The following NCAM2 variants were observed in gnomAD, a reference collection of about 807,000 sequenced individuals.
NCAM2 encodes the protein neural cell adhesion molecule 2.
In NCAM2, 30 loss-of-function variants were observed where a neutral mutation model predicts 98.1. The observed-to-expected ratio is 0.31, with a 90% CI of 0.23 to 0.41. NCAM2 has a LOEUF of 0.41. Ranked by LOEUF, NCAM2 falls within the 10% of genes least tolerant of loss-of-function variation. The pLI is 1.00. For missense variants in NCAM2, 867 were observed against 1,005.8 expected (o/e 0.86, Z 1.87); for synonymous variants, 368 against 342.4 (o/e 1.07, Z -0.83).
chr21:21,165,959 A>G (rs1208892123), intron 1 of NCAM2, among the ~76,000 whole-genome samples: 1 of 152,142 alleles, frequency 6.6e-6, no homozygotes, highest in Non-Finnish European at 1.5e-5. Context: ...AGAGCTCCCC[A>G]TAACCTTTCC....
intron 12 of NCAM2, among the ~76,000 whole-genome samples, chr21:21,460,413 A>T (rs907322348): frequency 3.9e-5 from 6 of 152,054 alleles, no homozygotes; most frequent in African/African-American, 1.2e-4. Flanking sequence ...AAACTCTGTT[A>T]GTTCTGGTAT....
At chr21:21,172,683 T>G (rs2068162622) in intron 1 of NCAM2, among the ~76,000 whole-genome samples, 1 of 152,122 alleles carries the variant, frequency 6.6e-6, no homozygotes, top group African/African-American at 2.4e-5. Flanking sequence ...CACTATCAAT[T>G]TTATCTAGAG....
chr21:21,037,097 C>T (rs1040767945), intron 1 of NCAM2, among the ~76,000 whole-genome samples: 5 of 152,144 alleles, frequency 3.3e-5, no homozygotes, highest in African/African-American at 1.2e-4. Flanking sequence ...ATGGCACACC[C>T]ACAGCTCACT....
chr21:21,305,924 A>G lies in NCAM2; in HGVS notation c.619+13683A>G, dbSNP rs537072351. ...ATGTCTACTTCAACTTTATTTCACA[A>G]GTTTTGATATATTGCATATACATTG... On this transcript the variant is annotated intron_variant, in intron 5 of 17. Coordinates refer to ENST00000400546, the MANE Select transcript of NCAM2 (RefSeq NM_004540.5). Among the ~76,000 whole-genome samples the G allele has an allele frequency of 1.2e-4, 18 of 152,184 alleles. No homozygotes were observed. In the South Asian group the frequency reaches 3.7e-3, roughly 32 times the overall value.
chr21:21,052,936 T>G (rs1173395919), intron 1 of NCAM2, among the ~76,000 whole-genome samples: 1 of 152,166 alleles, frequency 6.6e-6, no homozygotes, highest in Non-Finnish European at 1.5e-5. Flanking sequence ...TCTAAGGGTT[T>G]GTTTGTTTTT....
At chr21:21,018,545 A>C (rs1365077349) in intron 1 of NCAM2, among the ~76,000 whole-genome samples, 3 of 152,230 alleles carry the variant, frequency 2.0e-5, no homozygotes, top group African/African-American at 7.2e-5. Flanking sequence ...TAAGTATTGG[A>C]TCATAAAATT....
chr21:21,399,557 A>T (rs533096203), intron 9 of NCAM2, among the ~76,000 whole-genome samples: 155 of 152,300 alleles, frequency 1.0e-3, no homozygotes, highest in African/African-American at 3.6e-3. Context: ...TATTCTCATC[A>T]ATATGATTTT....
chr21:21,075,719 T>G (rs1283469788), intron 1 of NCAM2, among the ~76,000 whole-genome samples: 1 of 152,200 alleles, frequency 6.6e-6, no homozygotes. Context: ...GGGTATTGAA[T>G]TTTATCAAGT....
intron 1 of NCAM2, among the ~76,000 whole-genome samples, chr21:21,123,252 G>A (rs1387390992): frequency 6.6e-6 from 1 of 151,880 alleles, no homozygotes; most frequent in East Asian, 1.9e-4. Context: ...AAAATCAGCC[G>A]GGCGTGGTGG....
intron 8 of NCAM2, among the ~76,000 whole-genome samples, chr21:21,373,296 A>C (rs1265714601): frequency 6.6e-6 from 1 of 151,904 alleles, no homozygotes; most frequent in Non-Finnish European, 1.5e-5. Flanking sequence ...TATTCCAAGA[A>C]AATTATGTAG....
At chr21:21,116,323 A>G (rs1331660372) in intron 1 of NCAM2, among the ~76,000 whole-genome samples, 1 of 152,242 alleles carries the variant, frequency 6.6e-6, no homozygotes, top group South Asian at 2.1e-4. Context: ...GCTAGATCCC[A>G]TGAGAGATTA....
chr21:21,195,212 G>A (rs2146986921), intron 1 of NCAM2, among the ~76,000 whole-genome samples: 1 of 152,188 alleles, frequency 6.6e-6, no homozygotes, highest in South Asian at 2.1e-4. Flanking sequence ...AAATAAACAT[G>A]CATAAGTTTG....
intron 14 of NCAM2, among the ~76,000 whole-genome samples, chr21:21,472,913 C>T (rs1011610031): frequency 6.6e-6 from 1 of 151,280 alleles, no homozygotes; most frequent in African/African-American, 2.4e-5. Flanking sequence ...ATTTAGAACT[C>T]GGCTAAAATC....
intron 16 of NCAM2, among the ~76,000 whole-genome samples, chr21:21,530,551 T>TAC (rs1176858617): frequency 6.6e-6 from 1 of 150,832 alleles, no homozygotes; most frequent in Non-Finnish European, 1.5e-5. Context: ...TATCCTAGGA[T>TAC]ACACACACAC....
intron 9 of NCAM2, among the ~76,000 whole-genome samples, chr21:21,408,057 A>G (rs2076778444): frequency 6.6e-6 from 1 of 152,208 alleles, no homozygotes; most frequent in South Asian, 2.1e-4. Context: ...TTAGATAAAT[A>G]ATTGTGACTG....
intron 1 of NCAM2, among the ~76,000 whole-genome samples, chr21:21,004,811 G>A (rs2064082068): frequency 6.6e-6 from 1 of 152,018 alleles, no homozygotes; most frequent in African/African-American, 2.4e-5. Flanking sequence ...TGAGATACAG[G>A]GAGTTTAAAT....
chr21:21,088,509 T>A (rs1355063463), intron 1 of NCAM2, among the ~76,000 whole-genome samples: 1 of 152,212 alleles, frequency 6.6e-6, no homozygotes, highest in African/African-American at 2.4e-5. Flanking sequence ...AATTTTCACA[T>A]AAAGGAAAAG....
intron 8 of NCAM2, among the ~76,000 whole-genome samples, chr21:21,341,691 T>A (rs1007106218): frequency 2.7e-5 from 4 of 146,510 alleles, no homozygotes; most frequent in African/African-American, 1.0e-4. Context: ...GAGAGGAGGG[T>A]CTCAATTAAC....
At chr21:21,093,204 A>G (rs2066049064) in intron 1 of NCAM2, among the ~76,000 whole-genome samples, 1 of 152,140 alleles carries the variant, frequency 6.6e-6, no homozygotes, top group Non-Finnish European at 1.5e-5. Context: ...AGAGTCTGCC[A>G]ACTGTCTCCT....
Sources: gnomAD v4.1 joint callset for allele counts (sites outside exome capture counted in the v4.1 genomes callset) on GRCh38, gnomAD v4.1.1 for gene constraint, MANE v1.5 for transcripts, NCBI Gene and HGNC (gene_info 2026-07-23, HGNC 2026-07-21) for gene names.